PLEKHH2: variants seen among roughly 807,000 people sequenced by gnomAD.
PLEKHH2 encodes the protein pleckstrin homology, MyTH4 and FERM domain containing H2, also known as pleckstrin homology domain-containing family H member 2.
PLEKHH2 carries 129 observed loss-of-function variants against 187.9 expected under a neutral mutation model. That is an observed-to-expected ratio of 0.69 (90% CI 0.59 to 0.79). The LOEUF is 0.79. PLEKHH2 is among the 30% of genes least tolerant of loss of function. The pLI, the probability that PLEKHH2 is intolerant of heterozygous loss-of-function variation, is 0.00. For missense variants in PLEKHH2, 2,076 were observed against 1,751.2 expected, an observed-to-expected ratio of 1.19 and a Z score of -3.31; for synonymous variants, 686 against 605.6, an observed-to-expected ratio of 1.13 and a Z score of -1.95.
chr2:43,725,507 G>A (rs2104556914), intron 16 of PLEKHH2, among the ~76,000 whole-genome samples: 1 of 152,296 alleles, frequency 6.6e-6, no homozygotes, highest in Non-Finnish European at 1.5e-5. Context: ...GAAGAGAAGT[G>A]ATTTCCTTGA....
rs139749086 is a variant in PLEKHH2, at chr2:43,650,904, C to G, written c.123+6108C>G. 4.9e-4 allele frequency among the ~76,000 whole-genome samples: 75 copies of G among 152,136 alleles called. 1 individual carries two copies. In the East Asian group the frequency reaches 0.013, roughly 26 times the overall value. On this transcript the variant is annotated intron_variant, in intron 2 of 29. Coordinates refer to ENST00000282406, the MANE Select transcript of PLEKHH2 (RefSeq NM_172069.4). ...TTGTGATCTGCCCACCTTGGGCTCC[C>G]AAAGTGCTGGGATTACAGGCATGAG... is the stretch of plus-strand genomic sequence containing the variant.
At chr2:43,726,569 C>T (rs2104559904) in intron 17 of PLEKHH2, 118 bp downstream of exon 17, 1 of 891,786 alleles carries the variant, frequency 1.1e-6, no homozygotes. Context: ...TATAGACTTT[C>T]ACCTCTGTTT....
intron 19 of PLEKHH2, among the ~76,000 whole-genome samples, chr2:43,732,918 G>A (rs1372559576): frequency 6.6e-6 from 1 of 152,104 alleles, no homozygotes; most frequent in African/African-American, 2.4e-5. Context: ...AAAATTCAGG[G>A]TCTTCCTCTC....
At chr2:43,714,344 C>G (rs567201569) in intron 15 of PLEKHH2, among the ~76,000 whole-genome samples, 21 of 152,342 alleles carry the variant, frequency 1.4e-4, no homozygotes, top group African/African-American at 4.6e-4. Context: ...TCTCAGATGA[C>G]TAAATCATTA....
At chr2:43,643,659 G>C (rs1355532787) in intron 1 of PLEKHH2, among the ~76,000 whole-genome samples, 1 of 152,002 alleles carries the variant, frequency 6.6e-6, no homozygotes, top group Non-Finnish European at 1.5e-5. Context: ...TGAGAGTTTT[G>C]CTGTCACCGT....
At chr2:43,721,459 A>G (rs1036151) in intron 16 of PLEKHH2, among the ~76,000 whole-genome samples, 93,189 of 152,010 alleles carry the variant, frequency 0.61, 30,032 homozygotes, top group African/African-American at 0.8. Context: ...TAGTGACCAC[A>G]TGGGACAGTT....
chr2:43,647,016 T>C (rs908935252), intron 2 of PLEKHH2, among the ~76,000 whole-genome samples: 1 of 152,108 alleles, frequency 6.6e-6, no homozygotes, highest in Non-Finnish European at 1.5e-5. Context: ...TATTCCATTA[T>C]GAATATTTTT....
chr2:43,722,208 A>T (rs1670515224), intron 16 of PLEKHH2, among the ~76,000 whole-genome samples: 1 of 150,914 alleles, frequency 6.6e-6, no homozygotes, highest in African/African-American at 2.4e-5. Context: ...GTGAGCTGTG[A>T]TCATACCACT....
At chr2:43,717,851 C>T (rs1236883178) in intron 15 of PLEKHH2, among the ~76,000 whole-genome samples, 2 of 152,218 alleles carry the variant, frequency 1.3e-5, no homozygotes, top group Non-Finnish European at 2.9e-5. Flanking sequence ...ATTATTTAAA[C>T]ATATAAATTG....
intron 15 of PLEKHH2, among the ~76,000 whole-genome samples, chr2:43,717,276 G>A (rs746640342): frequency 6.6e-6 from 1 of 152,002 alleles, no homozygotes; most frequent in Non-Finnish European, 1.5e-5. Flanking sequence ...AAATTAGCCG[G>A]GCATGGCAGC....
At chr2:43,659,748 A>G (rs1013094545) in intron 2 of PLEKHH2, among the ~76,000 whole-genome samples, 4 of 151,726 alleles carry the variant, frequency 2.6e-5, no homozygotes, top group Non-Finnish European at 5.9e-5. Context: ...TAGTAGAGAC[A>G]GTGTTTGACC....
At chr2:43,640,397 C>A (rs2104312938) in intron 1 of PLEKHH2, among the ~76,000 whole-genome samples, 1 of 152,140 alleles carries the variant, frequency 6.6e-6, no homozygotes, top group Admixed American at 6.5e-5. Context: ...TGCTATGTTG[C>A]ACAGTCTGGT....
At chr2:43,676,458 T>G in intron 2 of PLEKHH2, 3 of 628,238 alleles carry the variant, frequency 4.8e-6, no homozygotes, top group South Asian at 4.5e-5. Flanking sequence ...CTCGGTGGCG[T>G]AGAGAAGGGG....
chr2:43,689,789 C>A (rs182861518), intron 3 of PLEKHH2, among the ~76,000 whole-genome samples: 1 of 152,142 alleles, frequency 6.6e-6, no homozygotes, highest in African/African-American at 2.4e-5. Flanking sequence ...AGGATGCATC[C>A]GAGGAGCTCT....
At chr2:43,757,670 A>G (rs1180819102) in intron 26 of PLEKHH2, among the ~76,000 whole-genome samples, 2 of 152,150 alleles carry the variant, frequency 1.3e-5, no homozygotes, top group Non-Finnish European at 2.9e-5. Context: ...TGCCTGTCTC[A>G]GCCTCCCAAA....
intron 7 of PLEKHH2, among the ~76,000 whole-genome samples, chr2:43,697,905 T>C (rs1669165623): frequency 6.6e-6 from 1 of 152,184 alleles, no homozygotes; most frequent in Admixed American, 6.5e-5. Flanking sequence ...ATTTAAACCC[T>C]GGTCCTGTAT....
At chr2:43,714,890 T>C (rs947593019) in intron 15 of PLEKHH2, among the ~76,000 whole-genome samples, 3 of 152,196 alleles carry the variant, frequency 2.0e-5, no homozygotes, top group Admixed American at 6.5e-5. Context: ...AGAGAAGATT[T>C]ACCTGTGCCG....
chr2:43,763,586 A>ATTTTTT (rs541418802), intron 28 of PLEKHH2, among the ~76,000 whole-genome samples: 1,322 of 130,308 alleles, frequency 0.01, 31 homozygotes, highest in African/African-American at 0.035. Context: ...TGCCCGGCTA[A>ATTTTTT]TTTTTTTTTT....
chr2:43,749,292 G>A (rs1480070026), intron 24 of PLEKHH2, among the ~76,000 whole-genome samples: 1 of 152,226 alleles, frequency 6.6e-6, no homozygotes, highest in Non-Finnish European at 1.5e-5. Flanking sequence ...CAATAGAAAG[G>A]AATGTCTGGG....
Sources: allele counts gnomAD v4.1 joint callset (sites outside exome capture counted in the v4.1 genomes callset), GRCh38; gene constraint gnomAD v4.1.1; transcripts MANE v1.5; gene names NCBI Gene and HGNC (gene_info 2026-07-23, HGNC 2026-07-21).